The following CADPS variants were observed in gnomAD, a reference collection of about 807,000 sequenced individuals.
CADPS encodes calcium-dependent secretion activator 1.
A neutral mutation model predicts 167.3 loss-of-function variants in CADPS; 57 were observed. The ratio of observed to expected loss-of-function variants is 0.34; its 90% CI spans 0.28 to 0.42. The LOEUF (loss-of-function observed/expected upper bound fraction) is 0.42. Among genes scored for constraint, CADPS ranks in the 20% least tolerant of loss-of-function variants. The pLI, the probability that CADPS is intolerant of heterozygous loss-of-function variation, is 1.00. For missense variants in CADPS, 1,414 were observed against 1,738.1 expected (o/e 0.81, Z 3.32); for synonymous variants, 676 against 635.3 (o/e 1.06, Z -0.96).
At chr3:62,674,543 T>C (rs17066787) in intron 3 of CADPS, among the ~76,000 whole-genome samples, 10,847 of 152,226 alleles carry the variant, frequency 0.071, 446 homozygotes, top group Middle Eastern at 0.099. Flanking sequence ...GTTCCCAGTA[T>C]CAAATCCATA....
At chr3:62,516,728 T>C (rs2069082244) in intron 14 of CADPS, 85 bp from the exon 15 acceptor site, 3 of 930,734 alleles carry the variant, frequency 3.2e-6, no homozygotes, top group South Asian at 1.5e-5. Flanking sequence ...ATAGCAACTC[T>C]CTCTGAGGAA....
chr3:62,532,876 C>T lies in CADPS; in HGVS notation c.2286G>A (p.Gly762=). 6.2e-7 allele frequency: 1 copy of T among 1,613,462 alleles called. No homozygotes were observed. Among genetic ancestry groups the T allele is most frequent in the Non-Finnish European group, 8.5e-7 (1 of 1,179,636 alleles). The change falls in exon 13 of 30, where the codon GGG becomes GGA. Residue 762 remains glycine (G), a synonymous_variant. Coordinates refer to ENST00000383710, the MANE Select transcript of CADPS (RefSeq NM_003716.4). Reference sequence around the variant, plus strand: ...ACACACGAACACACACTTACCTGTTCCCATGGACATGGGATGCACAGAAGG... The same window carrying T: ...ACACACGAACACACACTTACCTGTTTCCATGGACATGGGATGCACAGAAGG... ...SFAFCASHVH[G]NRPDGIGTVT...
At chr3:62,512,929 G>T (rs1267683713) in intron 16 of CADPS, among the ~76,000 whole-genome samples, 161 bp from the exon 17 acceptor site, 1 of 151,904 alleles carries the variant, frequency 6.6e-6, no homozygotes, top group Admixed American at 6.6e-5. Flanking sequence ...CAAAGTTTGG[G>T]GGCCAGCAAA....
chr3:62,490,136 C>T (rs1434168573), intron 21 of CADPS, among the ~76,000 whole-genome samples: 2 of 152,076 alleles, frequency 1.3e-5, no homozygotes, highest in African/African-American at 2.4e-5. Context: ...GTTCAGAAAA[C>T]TGCTTAAAAA....
intron 28 of CADPS, among the ~76,000 whole-genome samples, chr3:62,437,251 G>A (rs1331232742): frequency 6.6e-6 from 1 of 151,908 alleles, no homozygotes; most frequent in Non-Finnish European, 1.5e-5. Flanking sequence ...AAATTCGGTG[G>A]AAACCCGAGA....
At position 62,602,917 on chromosome 3, in the gene CADPS, C is replaced by A. The variant is rs191319634; in HGVS notation, c.1326-10169G>T. ...TCTCTTTGCCACATGTCCGTCTTGT[C>A]ACCGGATCTTTCAAATCCCCTACGT... is the stretch of plus-strand genomic sequence containing the variant. On this transcript the variant is annotated intron_variant, in intron 6 of 29. Transcript: ENST00000383710. The surrounding 1 kb of genome is among the most constrained non-coding windows in gnomAD (Gnocchi z 4.4). Among the ~76,000 whole-genome samples the A allele has an allele frequency of 1.9e-4, 29 of 152,306 alleles. 1 individual carries two copies. The East Asian group carries it at 2.3e-3, about 12-fold the overall frequency.
intron 1 of CADPS, among the ~76,000 whole-genome samples, chr3:62,805,524 A>G (rs1017707997): frequency 1.3e-5 from 2 of 152,196 alleles, no homozygotes; most frequent in Non-Finnish European, 2.9e-5. Flanking sequence ...TCATTTAAAG[A>G]TGAGTCATCT....
At chr3:62,683,796 G>A (rs1311669991) in intron 3 of CADPS, among the ~76,000 whole-genome samples, 1 of 151,958 alleles carries the variant, frequency 6.6e-6, no homozygotes, top group Non-Finnish European at 1.5e-5. Context: ...GTACTGGTCA[G>A]GTATTTTGTG....
intron 23 of CADPS, among the ~76,000 whole-genome samples, chr3:62,475,870 C>T (rs898238957): frequency 2.0e-5 from 3 of 152,112 alleles, no homozygotes; most frequent in Admixed American, 1.3e-4. Flanking sequence ...AATGGAAATG[C>T]TAAATTGCTC....
chr3:62,601,550 G>A lies in CADPS; in HGVS notation c.1326-8802C>T, dbSNP rs1229854411. The stretch of plus-strand genomic sequence containing the variant: ...CACTCACAAAGACAGCTGACCCCAT[G>A]GGGATCCAATTTGCTGCTCTAAATT... On this transcript the variant is annotated intron_variant, in intron 6 of 29. Coordinates refer to ENST00000383710, the MANE Select transcript of CADPS (RefSeq NM_003716.4). This position sits in a 1 kb window ranked among gnomAD's most constrained non-coding sequence, Gnocchi z 4.3. Among the ~76,000 whole-genome samples the A allele has an allele frequency of 6.6e-6, 1 of 152,134 alleles. No homozygotes were observed. Among genetic ancestry groups the A allele is most frequent in the Non-Finnish European group, 1.5e-5 (1 of 68,022 alleles).
intron 1 of CADPS, among the ~76,000 whole-genome samples, chr3:62,832,397 T>C (rs994555413): frequency 6.6e-6 from 1 of 152,168 alleles, no homozygotes; most frequent in African/African-American, 2.4e-5. Context: ...CCACACAGAA[T>C]AATAATGTCA....
rs932637946 is a variant in CADPS, at chr3:62,447,834, C to T, written c.3637-2037G>A. ...AGATTCTAAACCCCAAATCTTTCCT[C>T]GCCATTGCTATGCTAGAACTTAGTT... is the stretch of plus-strand genomic sequence containing the variant. On this transcript the variant is annotated intron_variant, in intron 26 of 29. Coordinates refer to ENST00000383710, the MANE Select transcript of CADPS (RefSeq NM_003716.4). Among the ~76,000 whole-genome samples, 6 of 152,272 alleles carry T rather than the reference C, an allele frequency of 3.9e-5. No homozygotes were observed. The East Asian group carries it at 1.2e-3, about 29-fold the overall frequency.
chr3:62,793,066 C>A (rs2093086574), intron 1 of CADPS, among the ~76,000 whole-genome samples: 1 of 152,116 alleles, frequency 6.6e-6, no homozygotes, highest in African/African-American at 2.4e-5. Flanking sequence ...TAATGAATGA[C>A]CGTTTAAAAA....
chr3:62,721,452 AG>A (rs1324640230), intron 3 of CADPS, among the ~76,000 whole-genome samples: 3 of 152,170 alleles, frequency 2.0e-5, no homozygotes, highest in African/African-American at 7.2e-5. Flanking sequence ...ATTGAAGTTC[AG>A]TGCTCTAAGC....
At chr3:62,765,792 T>TC in intron 2 of CADPS, 79 bp downstream of exon 2, 1 of 810,116 alleles carries the variant, frequency 1.2e-6, no homozygotes, top group African/African-American at 1.7e-5. Flanking sequence ...AAAACGACTG[T>TC]CCCCATTGCC....
chr3:62,655,328 C>T (rs1402341575), intron 4 of CADPS, among the ~76,000 whole-genome samples: 1 of 152,098 alleles, frequency 6.6e-6, no homozygotes, highest in African/African-American at 2.4e-5. Context: ...TCCATTGCTA[C>T]TTTTTCAAGC....
In CADPS at chr3:62,717,891, C is replaced by T. The variant is rs149797293; in HGVS notation, c.888+35550G>A. 2.8e-3 allele frequency among the ~76,000 whole-genome samples: 430 copies of T among 152,278 alleles called. 2 individuals are homozygous for T. Among genetic ancestry groups the T allele is most frequent in the African/African-American group, 9.9e-3 (413 of 41,566 alleles). On this transcript the variant is annotated intron_variant, in intron 3 of 29. Coordinates refer to ENST00000383710, the MANE Select transcript of CADPS (RefSeq NM_003716.4). Reference sequence around the variant, plus strand: ...GACTTCATCATTTACCACCATCCTCCCTGTCGCATGTGTTCCCACAACACA... The same window carrying T: ...GACTTCATCATTTACCACCATCCTCTCTGTCGCATGTGTTCCCACAACACA...
At chr3:62,435,581 T>A (rs1420870867) in intron 28 of CADPS, among the ~76,000 whole-genome samples, 1 of 152,170 alleles carries the variant, frequency 6.6e-6, no homozygotes, top group Non-Finnish European at 1.5e-5. Context: ...AGCACCAATA[T>A]TCTGTAAAGT....
intron 3 of CADPS, among the ~76,000 whole-genome samples, chr3:62,743,934 A>T (rs1487348684): frequency 1.3e-5 from 2 of 152,220 alleles, no homozygotes; most frequent in Admixed American, 1.3e-4. Context: ...CCTAGAGTCT[A>T]GACAGGATCA....
Sources: allele counts gnomAD v4.1 joint callset (sites outside exome capture counted in the v4.1 genomes callset), GRCh38; gene constraint gnomAD v4.1.1; non-coding constraint Gnocchi (gnomAD v3.1); transcripts MANE v1.5; gene names NCBI Gene and HGNC (gene_info 2026-07-23, HGNC 2026-07-21).